The following PPP3CA variants were observed in gnomAD, a reference collection of about 807,000 sequenced individuals.
The protein encoded by PPP3CA is CAM-PRP catalytic subunit.
PPP3CA carries 14 observed loss-of-function variants against 66.5 expected under a neutral mutation model. The ratio of observed to expected loss-of-function variants is 0.21; its 90% CI spans 0.14 to 0.33. The LOEUF is 0.33. Ranked by LOEUF, PPP3CA falls within the 10% of genes least tolerant of loss-of-function variation. The pLI, the probability that PPP3CA is intolerant of heterozygous loss-of-function variation, is 1.00. For synonymous variants in PPP3CA, 232 were observed against 226.2 expected, an observed-to-expected ratio of 1.03 and a Z score of -0.23; for missense variants, 317 against 639.5, an observed-to-expected ratio of 0.50 and a Z score of 5.44.
At chr4:101,091,822 TA>T (rs1729955546) in intron 6 of PPP3CA, among the ~76,000 whole-genome samples, 1 of 14,686 alleles carries the variant, frequency 6.8e-5, no homozygotes, top group Admixed American at 7.7e-4. Context: ...CTTCAGTATC[TA>T]ATAATAATAA....
intron 3 of PPP3CA, among the ~76,000 whole-genome samples, chr4:101,102,861 C>T (rs969142218): frequency 6.6e-6 from 1 of 152,100 alleles, no homozygotes; most frequent in Non-Finnish European, 1.5e-5. Context: ...TTACACTGGC[C>T]TTTTCTGCAT....
intron 1 of PPP3CA, among the ~76,000 whole-genome samples, chr4:101,319,170 G>GAA (rs752226737): frequency 5.6e-5 from 5 of 88,968 alleles, no homozygotes; most frequent in Admixed American, 3.7e-4. Flanking sequence ...ATACCATATT[G>GAA]AAAAAAAAAA....
chr4:101,197,305 C>T (rs1040885769), intron 1 of PPP3CA, among the ~76,000 whole-genome samples: 1 of 152,184 alleles, frequency 6.6e-6, no homozygotes, highest in Non-Finnish European at 1.5e-5. Context: ...GATTTGTAAT[C>T]CCGAGTTAAA....
chr4:101,206,539 AT>A (rs1725136170), intron 1 of PPP3CA, among the ~76,000 whole-genome samples: 1 of 152,216 alleles, frequency 6.6e-6, no homozygotes, highest in South Asian at 2.1e-4. Context: ...AAGGAAAGAG[AT>A]TGCTGGAATT....
At chr4:101,137,718 C>CAT (rs146223285) in intron 2 of PPP3CA, among the ~76,000 whole-genome samples, 6,049 of 152,152 alleles carry the variant, frequency 0.04, 199 homozygotes, top group Middle Eastern at 0.11. Flanking sequence ...ACAGGATCAT[C>CAT]ATCCTACATT....
intron 1 of PPP3CA, among the ~76,000 whole-genome samples, chr4:101,254,085 A>C (rs1167825649): frequency 2.6e-5 from 4 of 152,040 alleles, no homozygotes; most frequent in Non-Finnish European, 4.4e-5. Context: ...CCTTCAAGAC[A>C]TATATCCAAA....
Position 101,125,470 on chromosome 4 carries a change from C to G in PPP3CA, c.260-16392G>C, listed in dbSNP as rs953648906. 8.5e-5 allele frequency among the ~76,000 whole-genome samples: 13 copies of G among 152,256 alleles called. 1 individual carries two copies. The East Asian group carries it at 1.4e-3, about 16-fold the overall frequency. Reference sequence around the variant, plus strand: ...TGGCCCTCTGAAGGTCTCCTGCACACTCATGAGTCAATCACTGCATCCAGG... The same window carrying G: ...TGGCCCTCTGAAGGTCTCCTGCACAGTCATGAGTCAATCACTGCATCCAGG... On this transcript the variant is annotated intron_variant, in intron 2 of 13. Transcript: ENST00000394854.
At chr4:101,143,415 T>C (rs1016013111) in intron 2 of PPP3CA, among the ~76,000 whole-genome samples, 1 of 152,200 alleles carries the variant, frequency 6.6e-6, no homozygotes, top group Non-Finnish European at 1.5e-5. Flanking sequence ...TCTCTGTTGC[T>C]ACTGTCATAT....
rs1727733211 is a variant in PPP3CA at position 101,045,665 on chromosome 4, T to C, written c.1157-5099A>G. On this transcript the variant is annotated intron_variant, in intron 10 of 13. Transcript: ENST00000394854. Reference sequence around the variant, plus strand: ...AAGTTTGAGTAAACGCGGAAGATGGTAGGGTGGGAAAGAAGCAGGAAATGC... The same window carrying C: ...AAGTTTGAGTAAACGCGGAAGATGGCAGGGTGGGAAAGAAGCAGGAAATGC... 2.0e-5 allele frequency among the ~76,000 whole-genome samples: 3 copies of C among 152,206 alleles called. No homozygotes were observed. In the East Asian group the frequency reaches 5.8e-4, roughly 29 times the overall value.
chr4:101,327,409 G>C (rs1318007576), intron 1 of PPP3CA, among the ~76,000 whole-genome samples: 1 of 151,670 alleles, frequency 6.6e-6, no homozygotes, highest in Non-Finnish European at 1.5e-5. Flanking sequence ...GTATTTACTA[G>C]GGGAATTCCC....
Position 101,317,434 on chromosome 4 carries a change from T to A in PPP3CA, c.58+29305A>T, listed in dbSNP as rs568035012. 2.0e-5 allele frequency among the ~76,000 whole-genome samples: 3 copies of A among 152,310 alleles called. No individual in the cohort carries two copies. The East Asian group carries it at 5.8e-4, about 29-fold the overall frequency. Reference sequence around the variant, plus strand: ...CGAAGTTCCTTATCTCCCCATAATCTTTAATGCAAGACTAAACATTCCCAG... The same window carrying A: ...CGAAGTTCCTTATCTCCCCATAATCATTAATGCAAGACTAAACATTCCCAG... On this transcript the variant is annotated intron_variant, in intron 1 of 13. Coordinates refer to ENST00000394854, the MANE Select transcript of PPP3CA (RefSeq NM_000944.5).
chr4:101,346,987 CGCCGCCTTCACTCCTCCTCCGCCGCT>C lies in PPP3CA; in HGVS notation c.-217_-192del. 3.1e-6 allele frequency: 2 copies of C among 639,934 alleles called. No individual in the cohort carries two copies. The highest frequency in any genetic ancestry group is 2.7e-6 in the Non-Finnish European group (1 of 372,890). The allele number at this position is 639,934 out of a possible 1,614,324, so 39.6% of individuals were successfully genotyped here. On this transcript the variant is annotated 5_prime_UTR_variant, in exon 1 of 14. Coordinates refer to ENST00000394854, the MANE Select transcript of PPP3CA (RefSeq NM_000944.5). Reference sequence around the variant, plus strand: ...TTTCCGCGCGTCCCTCCTCCGCCGCCGCCGCCTTCACTCCTCCTCCGCCGCTGCCGCCAGCCCCGCCGACTCGCTCC... The same window carrying C: ...TTTCCGCGCGTCCCTCCTCCGCCGCCGCCGCCAGCCCCGCCGACTCGCTCC...
intron 2 of PPP3CA, among the ~76,000 whole-genome samples, chr4:101,176,082 A>G (rs1367871303): frequency 6.6e-6 from 1 of 152,144 alleles, no homozygotes; most frequent in Admixed American, 6.6e-5. Flanking sequence ...CTCTCAGGTT[A>G]TTACCTCTGT....
chr4:101,091,899 A>G (rs986631148), intron 6 of PPP3CA, among the ~76,000 whole-genome samples: 1 of 122,476 alleles, frequency 8.2e-6, no homozygotes, highest in Non-Finnish European at 1.9e-5. Flanking sequence ...GAAGGAGGAG[A>G]AGAGGAGGAG....
At chr4:101,237,457 T>C (rs1389125819) in intron 1 of PPP3CA, among the ~76,000 whole-genome samples, 2 of 152,046 alleles carry the variant, frequency 1.3e-5, no homozygotes, top group Non-Finnish European at 2.9e-5. Context: ...GATCAACTTA[T>C]ATTAGAGAAG....
chr4:101,056,733 AGG>A (rs1728238191), intron 10 of PPP3CA, among the ~76,000 whole-genome samples: 4 of 151,592 alleles, frequency 2.6e-5, no homozygotes, highest in African/African-American at 9.7e-5. Flanking sequence ...GGCAAGCAGC[AGG>A]AGAGAGCCAG....
chr4:101,211,133 CT>C (rs1277623152), intron 1 of PPP3CA, among the ~76,000 whole-genome samples: 3 of 152,176 alleles, frequency 2.0e-5, no homozygotes, highest in Non-Finnish European at 2.9e-5. Context: ...AATGAAATGA[CT>C]TTGCCAAGAT....
At chr4:101,304,297 G>A (rs925215537) in intron 1 of PPP3CA, among the ~76,000 whole-genome samples, 13 of 152,002 alleles carry the variant, frequency 8.6e-5, no homozygotes, top group Non-Finnish European at 1.3e-4. Flanking sequence ...TGAGAGCCAC[G>A]CCATAATATT....
Position 101,110,948 on chromosome 4 carries a change from C to CCT in PPP3CA, c.260-1871_260-1870insAG, listed in dbSNP as rs1346291964. Among the ~76,000 whole-genome samples, 461 of 95,738 alleles carry CCT rather than the reference C, an allele frequency of 4.8e-3. 4 individuals carry two copies. The highest frequency in any genetic ancestry group is 0.037 in the African/African-American group (441 of 11,808). The allele number at this position is 95,738 out of a possible 152,430, so 62.8% of individuals were successfully genotyped here. A position where few individuals can be genotyped will look rare whatever the true frequency, so the allele number is the denominator to read the frequency against. ...TTTATATATTTTATATATGTGTGTA[C>CCT]ATATAAGATATGAGCATAATAATTT... On this transcript the variant is annotated intron_variant, in intron 2 of 13. Transcript: ENST00000394854.
Sources: allele counts gnomAD v4.1 joint callset (sites outside exome capture counted in the v4.1 genomes callset), GRCh38; gene constraint gnomAD v4.1.1; transcripts MANE v1.5; gene names NCBI Gene and HGNC (gene_info 2026-07-23, HGNC 2026-07-21).